Variants in SNAPC5 observed in about 807,000 individuals in gnomAD.
SNAPC5 encodes small nuclear RNA activating complex polypeptide 5, also known as snRNA-activating protein complex subunit 5.
In SNAPC5, 12 loss-of-function variants were observed where a neutral mutation model predicts 9.1. The observed-to-expected ratio is 1.32, with a 90% CI of 0.85 to 2.15. The LOEUF is 2.15. SNAPC5 is among the 30% of genes most tolerant of loss of function. The pLI is 0.00. For synonymous variants in SNAPC5, 52 were observed against 47.3 expected, an observed-to-expected ratio of 1.10 and a Z score of -0.41; for missense variants, 132 against 114.4, an observed-to-expected ratio of 1.15 and a Z score of -0.70.
At chr15:66,491,400 A>C (rs1893253248), downstream of SNAPC5, 1 of 231,290 alleles carries the variant, frequency 4.3e-6, no homozygotes, top group Non-Finnish European at 8.6e-6. Flanking sequence ...CCCCATATCC[A>C]AGTACCAATG....
At chr15:66,489,776 A>C, downstream of SNAPC5, 1 of 1,606,026 alleles carries the variant, frequency 6.2e-7, no homozygotes, top group East Asian at 2.2e-5. Context: ...GAGTCTATTT[A>C]TTCCGGATTC....
At chr15:66,491,911 T>G, downstream of SNAPC5, 1 of 450,368 alleles carries the variant, frequency 2.2e-6, no homozygotes, top group South Asian at 1.6e-5. Flanking sequence ...ATTTCTCATT[T>G]TCCATATACC....
chr15:66,489,821 T>C (rs1378473691), downstream of SNAPC5: 2 of 1,420,774 alleles, frequency 1.4e-6, no homozygotes, highest in Admixed American at 1.7e-5. Flanking sequence ...TTCTTCTCTG[T>C]CAGTCATCTG....
chr15:66,497,669 G>C lies in SNAPC5; in HGVS notation c.63C>G (p.Ala21=). ...TGAGGCGGTTCAGCTGGTCGTGCAG[G>C]GCTGCCTTCAACCGCAGCAGCGTCT... ...EEETLLRLKA[A]LHDQLNRLKV... The change falls in exon 1 of 3, where the codon GCC becomes GCG. Residue 21 remains alanine (A), a synonymous_variant. Coordinates refer to ENST00000316634, the MANE Select transcript of SNAPC5 (RefSeq NM_001329615.2). 3 of 1,614,042 alleles carry C rather than the reference G, an allele frequency of 1.9e-6. No individual in the cohort carries two copies. The highest frequency in any genetic ancestry group is 2.5e-6 in the Non-Finnish European group (3 of 1,179,986).
chr15:66,493,780 C>T lies in SNAPC5; in HGVS notation c.*656G>A, dbSNP rs564176845. ...CTTTTCCTCAGAGAAGGAACTGCTG[C>T]TTCTCTCTGTCGCTATCTAGAAACC... On this transcript the variant is annotated 3_prime_UTR_variant, in exon 3 of 3. Transcript: ENST00000316634. 6.6e-6 allele frequency: 1 copy of T among 152,382 alleles called. No homozygotes were observed. Among genetic ancestry groups the T allele is most frequent in the South Asian group, 2.1e-4 (1 of 4,832 alleles). 9.4% of individuals were successfully genotyped at this position (152,382 alleles called of 1,614,324 possible). A position where few individuals can be genotyped will look rare whatever the true frequency, so the allele number is the denominator to read the frequency against.
At chr15:66,495,780 G>A (rs75217189) in intron 1 of SNAPC5, among the ~76,000 whole-genome samples, 2,754 of 152,340 alleles carry the variant, frequency 0.018, 41 homozygotes, top group South Asian at 0.057. Flanking sequence ...TCAGTAATGA[G>A]AACGTGAAGG....
downstream of SNAPC5, chr15:66,490,478 G>A (rs780460634): frequency 1.9e-5 from 28 of 1,507,060 alleles, no homozygotes; most frequent in East Asian, 1.1e-4. Context: ...TTAACACCAC[G>A]TCCTCTCGTT....
downstream of SNAPC5, among the ~76,000 whole-genome samples, chr15:66,493,256 T>G (rs2140694673): frequency 6.6e-6 from 1 of 152,294 alleles, no homozygotes; most frequent in South Asian, 2.1e-4. Context: ...AAGCAACTAC[T>G]TATTTCATGG....
In SNAPC5 at chr15:66,494,415, C is replaced by T; in HGVS notation, c.*21G>A. 1.3e-6 allele frequency: 2 copies of T among 1,528,102 alleles called. No individual in the cohort carries two copies. Among genetic ancestry groups the T allele is most frequent in the Non-Finnish European group, 1.8e-6 (2 of 1,106,918 alleles). The allele number at this position is 1,528,102 out of a possible 1,614,324, so 94.7% of individuals were successfully genotyped here. ...TAGAAATGCAATTTGTATAACTGAC[C>T]AGCCTGGCTTTCCCCCTCCTTTAGG... On this transcript the variant is annotated 3_prime_UTR_variant, in exon 3 of 3. Transcript: ENST00000316634.
At chr15:66,492,516 G>T (rs1262603496), downstream of SNAPC5, among the ~76,000 whole-genome samples, 1 of 145,870 alleles carries the variant, frequency 6.9e-6, no homozygotes, top group Non-Finnish European at 1.5e-5. Flanking sequence ...AAACATTTAG[G>T]CTGGGTTTTA....
downstream of SNAPC5, chr15:66,491,432 GT>G: frequency 4.4e-6 from 1 of 227,204 alleles, no homozygotes; most frequent in Non-Finnish European, 8.7e-6. Flanking sequence ...AACGTGTATA[GT>G]GCCTAAAATT....
At chr15:66,489,947 G>C, downstream of SNAPC5, 1 of 682,922 alleles carries the variant, frequency 1.5e-6, no homozygotes, top group South Asian at 1.6e-5. Context: ...GGGAAAGCTG[G>C]GGTGACCCCC....
intron 2 of SNAPC5, 59 bp downstream of exon 2, chr15:66,495,270 CA>C (rs776051863): frequency 1.0e-6 from 1 of 975,228 alleles, no homozygotes; most frequent in East Asian, 2.4e-5. Context: ...ACCACCCAAG[CA>C]GCATGGGAGC....
chr15:66,489,875 C>G (rs903653457), downstream of SNAPC5: 1 of 929,950 alleles, frequency 1.1e-6, no homozygotes, highest in African/African-American at 1.6e-5. Flanking sequence ...CACTGTGGTC[C>G]AGCTGAGCCT....
Position 66,495,348 on chromosome 15 carries a change from T to A in SNAPC5, c.162A>T (p.Val54=). 6.3e-7 allele frequency: 1 copy of A among 1,590,318 alleles called. No homozygotes were observed. The highest frequency in any genetic ancestry group is 1.1e-5 in the South Asian group (1 of 90,582). The change falls in exon 2 of 3, where the codon GTA becomes GTT. Residue 54 remains valine, a synonymous_variant. Coordinates refer to ENST00000316634, the MANE Select transcript of SNAPC5 (RefSeq NM_001329615.2). ...RGDEMLSSHT[V]PEQSHDMLVH... The stretch of plus-strand genomic sequence containing the variant: ...AGCTTACATCATGTGACTGTTCAGG[T>A]ACAGTGTGAGAAGACAGCATCTCAT...
intron 2 of SNAPC5, 171 bp downstream of exon 2, chr15:66,495,159 A>T: frequency 1.6e-6 from 1 of 642,180 alleles, no homozygotes; most frequent in Non-Finnish European, 2.8e-6. Flanking sequence ...GCTGGTAGGA[A>T]GGTGGTTAAT....
chr15:66,490,973 G>A (rs561736994), downstream of SNAPC5: 77 of 436,760 alleles, frequency 1.8e-4, no homozygotes, highest in South Asian at 1.7e-3. Context: ...CTGTATTTTC[G>A]GGATTCTTTG....
downstream of SNAPC5, chr15:66,491,430 T>C (rs1266055566): frequency 4.4e-6 from 1 of 228,028 alleles, no homozygotes; most frequent in Non-Finnish European, 8.7e-6. Context: ...ACAACGTGTA[T>C]AGTGCCTAAA....
chr15:66,493,345 T>G (rs1298648444), downstream of SNAPC5: 1 of 152,132 alleles, frequency 6.6e-6, no homozygotes, highest in Non-Finnish European at 1.5e-5. Flanking sequence ...TCTGTAACTG[T>G]CATCTGTTAA....
Sources: allele counts gnomAD v4.1 joint callset (sites outside exome capture counted in the v4.1 genomes callset), GRCh38; gene constraint gnomAD v4.1.1; transcripts MANE v1.5; gene names NCBI Gene and HGNC (gene_info 2026-07-23, HGNC 2026-07-21).